Variants in SCN10A observed in about 807,000 individuals in gnomAD.
SCN10A encodes sodium voltage-gated channel alpha subunit 10, also known as sodium channel protein type 10 subunit alpha.
In SCN10A, 162 loss-of-function variants were observed where a neutral mutation model predicts 170.7. That is an observed-to-expected ratio of 0.95 (90% confidence interval 0.84 to 1.08). The LOEUF is 1.08. Among genes scored for constraint, SCN10A ranks in the 50% least tolerant of loss-of-function variants. The pLI, the probability that SCN10A is intolerant of heterozygous loss-of-function variation, is 0.00. For missense variants in SCN10A, 2,527 were observed against 2,436.9 expected (o/e 1.04, Z -0.78); for synonymous variants, 985 against 904.6 (o/e 1.09, Z -1.59).
intron 4 of SCN10A, among the ~76,000 whole-genome samples, chr3:38,775,673 G>A (rs1351564678): frequency 6.6e-6 from 1 of 152,094 alleles, no homozygotes; most frequent in African/African-American, 2.4e-5. Flanking sequence ...AAGATATGCT[G>A]ACAACTTACT....
At chr3:38,794,613 C>G (rs1260132934) in intron 1 of SCN10A, among the ~76,000 whole-genome samples, 1 of 152,176 alleles carries the variant, frequency 6.6e-6, no homozygotes, top group Admixed American at 6.5e-5. Context: ...ACACTTTTCC[C>G]CATAACCAGA....
intron 4 of SCN10A, among the ~76,000 whole-genome samples, chr3:38,784,295 G>A (rs1301405118): frequency 6.6e-6 from 1 of 151,870 alleles, no homozygotes; most frequent in African/African-American, 2.4e-5. Flanking sequence ...CGATCAAGTC[G>A]GCTTCATACC....
chr3:38,728,724 T>C lies in SCN10A; in HGVS notation c.2458A>G (p.Ile820Val), dbSNP rs770101312. 3.1e-6 allele frequency: 5 copies of C among 1,614,070 alleles called. No individual in the cohort carries two copies. The East Asian group carries it at 1.1e-4, about 36-fold the overall frequency. Residue 820 changes from isoleucine to valine, a missense_variant, in exon 16 of 28, where the codon ATC (isoleucine) becomes GTC (valine). Physicochemically the swap from Ile to Val is conservative, Grantham distance 29. Coordinates refer to ENST00000449082, the MANE Select transcript of SCN10A (RefSeq NM_006514.4). ...GENYRNNRKN[I>V]SAPHEDWPRW... Reference sequence around the variant, plus strand: ...GGCCAGTCTTCATGGGGCGCGGAGATATTTTTTCGGTTGTTACGGTAGTTT... The same window carrying C: ...GGCCAGTCTTCATGGGGCGCGGAGACATTTTTTCGGTTGTTACGGTAGTTT...
chr3:38,808,064 C>A (rs1267950060), intron 1 of SCN10A, among the ~76,000 whole-genome samples: 2 of 152,186 alleles, frequency 1.3e-5, no homozygotes, highest in African/African-American at 2.4e-5. Context: ...TTCACATTCA[C>A]CCCGTGTGAA....
At chr3:38,769,857 A>C (rs969775118) in intron 5 of SCN10A, among the ~76,000 whole-genome samples, 1 of 152,168 alleles carries the variant, frequency 6.6e-6, no homozygotes, top group South Asian at 2.1e-4. Context: ...CAGAGGGGCT[A>C]CCAGGCTCTG....
At chr3:38,730,178 T>C (rs888462823) in intron 15 of SCN10A, among the ~76,000 whole-genome samples, 2 of 152,184 alleles carry the variant, frequency 1.3e-5, no homozygotes, top group Non-Finnish European at 2.9e-5. Flanking sequence ...ATACCCTTCA[T>C]GTAAGGATGA....
At chr3:38,715,770 C>A (rs2063328597) in intron 21 of SCN10A, among the ~76,000 whole-genome samples, 1 of 152,172 alleles carries the variant, frequency 6.6e-6, no homozygotes, top group Non-Finnish European at 1.5e-5. Context: ...ACACATTCAC[C>A]CTTATAATAC....
intron 21 of SCN10A, among the ~76,000 whole-genome samples, chr3:38,714,540 G>A (rs886367441): frequency 6.6e-6 from 1 of 152,196 alleles, no homozygotes; most frequent in African/African-American, 2.4e-5. Flanking sequence ...GGAAAGAATA[G>A]TGGTTTGGGT....
At chr3:38,772,730 C>G (rs6767286) in intron 4 of SCN10A, among the ~76,000 whole-genome samples, 4 of 95,740 alleles carry the variant, frequency 4.2e-5, no homozygotes, top group Admixed American at 3.2e-4. Flanking sequence ...ACAACAAAAA[C>G]AAAAACAAAA....
At chr3:38,737,696 ACT>A (rs1158132952) in intron 15 of SCN10A, among the ~76,000 whole-genome samples, 3 of 150,496 alleles carry the variant, frequency 2.0e-5, no homozygotes, top group African/African-American at 4.9e-5. Flanking sequence ...AAAATTAGTA[ACT>A]CTGACAATAA....
At chr3:38,755,552 C>T (rs553381404) in intron 11 of SCN10A, among the ~76,000 whole-genome samples, 92 of 152,174 alleles carry the variant, frequency 6.0e-4, no homozygotes, top group Non-Finnish European at 1.2e-3. Context: ...TTTCCACAGT[C>T]CACAATCCCA....
intron 4 of SCN10A, among the ~76,000 whole-genome samples, chr3:38,779,267 G>T (rs1287198607): frequency 1.3e-5 from 2 of 152,022 alleles, no homozygotes; most frequent in Non-Finnish European, 2.9e-5. Flanking sequence ...AATGAAATCT[G>T]TTCAGCTAAT....
intron 15 of SCN10A, among the ~76,000 whole-genome samples, chr3:38,738,417 C>T (rs553438803): frequency 5.9e-5 from 9 of 152,280 alleles, no homozygotes; most frequent in African/African-American, 1.9e-4. Flanking sequence ...ACCCCTAATC[C>T]AGGTACGCCA....
At chr3:38,733,128 C>T (rs1325810631) in intron 15 of SCN10A, among the ~76,000 whole-genome samples, 1 of 152,108 alleles carries the variant, frequency 6.6e-6, no homozygotes, top group Non-Finnish European at 1.5e-5. Flanking sequence ...GGTCTGAAGC[C>T]ATCTAAGTTT....
At chr3:38,740,788 T>C (rs2063622585) in intron 14 of SCN10A, among the ~76,000 whole-genome samples, 2 of 152,342 alleles carry the variant, frequency 1.3e-5, no homozygotes, top group East Asian at 1.9e-4. Context: ...ACTTTCTTGC[T>C]TTAAAAAAGT....
Position 38,772,736 on chromosome 3 carries a change from C to CA in SCN10A, c.471-1330dup, listed in dbSNP as rs1180592093. ...ACAACAACAACAACAAAAACAAAAA[C>CA]AAAAAAAAAAAAACCTGTACTAATA... is the stretch of plus-strand genomic sequence containing the variant. On this transcript the variant is annotated intron_variant, in intron 4 of 27. Transcript: ENST00000449082. Among the ~76,000 whole-genome samples, 465 of 89,452 alleles carry CA rather than the reference C, an allele frequency of 5.2e-3. 8 individuals are homozygous for CA. The highest frequency in any genetic ancestry group is 0.047 in the East Asian group (192 of 4,066). The allele number at this position is 89,452 out of a possible 152,430, so 58.7% of individuals were successfully genotyped here.
chr3:38,752,606 G>T, intron 11 of SCN10A, 94 bp from the exon 12 acceptor site: 2 of 1,043,800 alleles, frequency 1.9e-6, no homozygotes, highest in Admixed American at 3.3e-5. Context: ...CCATTTCCCT[G>T]CCCCTGTCTT....
At chr3:38,739,154 A>C (rs1217405616) in intron 15 of SCN10A, among the ~76,000 whole-genome samples, 7 of 152,142 alleles carry the variant, frequency 4.6e-5, no homozygotes, top group African/African-American at 1.7e-4. Context: ...GCATAAAATG[A>C]GGTGCGTTTT....
intron 13 of SCN10A, among the ~76,000 whole-genome samples, chr3:38,744,007 A>T (rs2063661029): frequency 1.3e-5 from 2 of 152,236 alleles, no homozygotes; most frequent in Admixed American, 6.5e-5. Context: ...TGCATCTTGA[A>T]CAGATATCAG....
Sources: allele counts gnomAD v4.1 joint callset (sites outside exome capture counted in the v4.1 genomes callset), GRCh38; gene constraint gnomAD v4.1.1; transcripts MANE v1.5; gene names NCBI Gene and HGNC (gene_info 2026-07-23, HGNC 2026-07-21).